The following SLC12A6 variants were observed in gnomAD, a reference collection of about 807,000 sequenced individuals.
The protein encoded by SLC12A6 is K-Cl cotransporter 3.
A neutral mutation model predicts 135.3 loss-of-function variants in SLC12A6; 66 were observed. The observed-to-expected ratio is 0.49, with a 90% CI of 0.40 to 0.60. The LOEUF is 0.60. Among genes scored for constraint, SLC12A6 ranks in the 20% least tolerant of loss-of-function variants. SLC12A6 has a pLI of 0.00. For missense variants in SLC12A6, 1,058 were observed against 1,452.3 expected (o/e 0.73, Z 4.41); for synonymous variants, 513 against 508.8 (o/e 1.01, Z -0.11).
intron 15 of SLC12A6, among the ~76,000 whole-genome samples, chr15:34,244,567 G>A (rs1891858035): frequency 2.0e-5 from 3 of 152,124 alleles, no homozygotes; most frequent in South Asian, 2.1e-4. Context: ...CAGGACCTTT[G>A]TGATCTGGGT....
intron 3 of SLC12A6, among the ~76,000 whole-genome samples, chr15:34,272,574 C>T (rs144405627): frequency 1.0e-3 from 155 of 152,238 alleles, no homozygotes; most frequent in Middle Eastern, 3.4e-3. Context: ...CTGGATGAAT[C>T]CTCAGGTTGG....
chr15:34,235,933 C>G, intron 24 of SLC12A6, 82 bp downstream of exon 24: 1 of 1,057,146 alleles, frequency 9.5e-7, no homozygotes, highest in Non-Finnish European at 1.5e-6. Context: ...TGAACAGACT[C>G]CATCCTGTGT....
Position 34,238,393 on chromosome 15 carries a change from G to C in SLC12A6, c.2641C>G (p.Arg881Gly). 6.2e-7 allele frequency: 1 copy of C among 1,612,494 alleles called. No homozygotes were observed. The part of the protein sequence containing the change: ...RAWKTFIGTV[R>G]VTTAAHLALL... ...GCAAGATGGGCAGCAGTTGTCACTC[G>C]AACTGTGCCTAGGGAGAAAAAAGAA... The change falls in exon 21 of 26, where the codon CGA (arginine) becomes GGA (glycine). Residue 881 changes from arginine to glycine, a missense_variant. This residue lies in a region of SLC12A6 where 245 missense variants were observed against 440.8 expected (regional missense o/e 0.56). Transcript: ENST00000354181.
chr15:34,236,619 G>A lies in SLC12A6; in HGVS notation c.3042+89C>T. 5 of 866,408 alleles carry A rather than the reference G, an allele frequency of 5.8e-6. No homozygotes were observed. The Admixed American group carries it at 8.6e-5, about 15-fold the overall frequency. 53.7% of individuals were successfully genotyped at this position (866,408 alleles called of 1,614,324 possible). A position where few individuals can be genotyped will look rare whatever the true frequency, so the allele number is the denominator to read the frequency against. Reference sequence around the variant, plus strand: ...GGCCTCCAAAAGTGCTGGGATTACAGGCGTGAGCCACCATGCCCAGCCCAG... The same window carrying A: ...GGCCTCCAAAAGTGCTGGGATTACAAGCGTGAGCCACCATGCCCAGCCCAG... On this transcript the variant is annotated intron_variant, in intron 23 of 25. Coordinates refer to ENST00000354181, the MANE Select transcript of SLC12A6 (RefSeq NM_001365088.1).
chr15:34,336,265 C>T (rs1037034061), intron 2 of SLC12A6, 145 bp downstream of exon 2: 2 of 736,002 alleles, frequency 2.7e-6, no homozygotes, highest in Non-Finnish European at 4.9e-6. Flanking sequence ...CAAAGAGTTC[C>T]TAAGCATCTC....
At chr15:34,266,970 T>C (rs1309063386) in intron 3 of SLC12A6, among the ~76,000 whole-genome samples, 1 of 152,176 alleles carries the variant, frequency 6.6e-6, no homozygotes, top group Non-Finnish European at 1.5e-5. Flanking sequence ...TCTCTATGAC[T>C]CATTCTCATC....
rs570488711 is a variant in SLC12A6 at position 34,310,769 on chromosome 15, AGTGTGTGTGTGTGTGTGTGTGTGTGTGT to A, written c.271+25613_271+25640del. On this transcript the variant is annotated intron_variant, in intron 2 of 25. Transcript: ENST00000354181. Reference sequence around the variant, plus strand: ...GGCTGGTGTTGAACTCCTGGGCTCAAGTGTGTGTGTGTGTGTGTGTGTGTGTGTGTGTGTGTGTGTGTGTGTGTGTCCC... The same window carrying A: ...GGCTGGTGTTGAACTCCTGGGCTCAAGTGTGTGTGTGTGTGTGTGTGTCCC... Among the ~76,000 whole-genome samples the A allele has an allele frequency of 2.8e-4, 7 of 25,368 alleles. No homozygotes were observed. In the East Asian group the frequency reaches 4.5e-3, roughly 16 times the overall value. The allele number at this position is 25,368 out of a possible 152,430, so 16.6% of individuals were successfully genotyped here. A position where few individuals can be genotyped will look rare whatever the true frequency, so the allele number is the denominator to read the frequency against.
chr15:34,270,593 T>C (rs112015049), intron 3 of SLC12A6, among the ~76,000 whole-genome samples: 5,974 of 151,946 alleles, frequency 0.039, 220 homozygotes, highest in African/African-American at 0.099. Flanking sequence ...ACTTGAGGCT[T>C]GGAGTTTGAG....
chr15:34,308,658 C>CAAAAAAA (rs1887929875), intron 2 of SLC12A6, among the ~76,000 whole-genome samples: 25 of 139,786 alleles, frequency 1.8e-4, no homozygotes, highest in African/African-American at 6.0e-4. Context: ...AAAAACAAAC[C>CAAAAAAA]AGATTGTTGG....
At chr15:34,255,436 T>G (rs776185617) in intron 7 of SLC12A6, 44 bp from the exon 8 acceptor site, 2 of 1,422,736 alleles carry the variant, frequency 1.4e-6, no homozygotes, top group East Asian at 4.5e-5. Flanking sequence ...GAGTGTGTAT[T>G]AGCAAGAGGA....
chr15:34,283,685 T>C (rs1339614840), intron 2 of SLC12A6, among the ~76,000 whole-genome samples: 1 of 152,136 alleles, frequency 6.6e-6, no homozygotes, highest in Non-Finnish European at 1.5e-5. Flanking sequence ...CTACATCTTG[T>C]AGTGTAGCAC....
At chr15:34,293,000 C>T (rs1449138688) in intron 2 of SLC12A6, among the ~76,000 whole-genome samples, 4 of 152,188 alleles carry the variant, frequency 2.6e-5, no homozygotes, top group Non-Finnish European at 4.4e-5. Flanking sequence ...CCTGCTTTGG[C>T]TCACCCTCCG....
chr15:34,315,623 T>C (rs1192560945), intron 2 of SLC12A6, among the ~76,000 whole-genome samples: 2 of 152,208 alleles, frequency 1.3e-5, no homozygotes, highest in South Asian at 2.1e-4. Flanking sequence ...GACATAATGC[T>C]ATTGCACACT....
At chr15:34,330,470 C>A (rs973614362) in intron 2 of SLC12A6, among the ~76,000 whole-genome samples, 1 of 151,684 alleles carries the variant, frequency 6.6e-6, no homozygotes, top group Non-Finnish European at 1.5e-5. Flanking sequence ...TGCAGGAGTT[C>A]GAGACCAGCC....
intron 3 of SLC12A6, among the ~76,000 whole-genome samples, chr15:34,265,196 CA>C (rs913914447): frequency 5.3e-5 from 8 of 151,146 alleles, no homozygotes; most frequent in African/African-American, 1.9e-4. Flanking sequence ...GACTCCGTCT[CA>C]AAAAAAAGAG....
chr15:34,235,100 G>A, intron 25 of SLC12A6, 81 bp downstream of exon 25: 1 of 1,270,950 alleles, frequency 7.9e-7, no homozygotes, highest in Non-Finnish European at 1.2e-6. Flanking sequence ...CATAGACAAT[G>A]ACTTTTATTG....
intron 5 of SLC12A6, among the ~76,000 whole-genome samples, chr15:34,258,501 C>T (rs1036013930): frequency 4.6e-5 from 7 of 152,174 alleles, no homozygotes; most frequent in South Asian, 2.1e-4. Context: ...TAAGTAGCAA[C>T]GCCCTCCACT....
chr15:34,275,798 C>T (rs1894258736), intron 2 of SLC12A6, among the ~76,000 whole-genome samples: 1 of 152,114 alleles, frequency 6.6e-6, no homozygotes, highest in Non-Finnish European at 1.5e-5. Context: ...AATTCTGATA[C>T]ATGTGACAAC....
chr15:34,320,168 C>A (rs962129972), intron 2 of SLC12A6, among the ~76,000 whole-genome samples: 1 of 152,178 alleles, frequency 6.6e-6, no homozygotes, highest in Non-Finnish European at 1.5e-5. Context: ...AGCAATGATG[C>A]TTTGAATTCT....
Sources: gnomAD v4.1 joint callset for allele counts (sites outside exome capture counted in the v4.1 genomes callset) on GRCh38, gnomAD v4.1.1 for gene constraint, gnomAD v4.1.1 regional missense constraint, MANE v1.5 for transcripts, NCBI Gene and HGNC (gene_info 2026-07-23, HGNC 2026-07-21) for gene names.